The following COX7A2L variants were observed in gnomAD, a reference collection of about 807,000 sequenced individuals.
The protein encoded by COX7A2L is cytochrome c oxidase subunit 7A2 like, also known as cytochrome c oxidase subunit 7A2-like, mitochondrial.
In COX7A2L, 18 loss-of-function variants were observed where a neutral mutation model predicts 14.2. The observed-to-expected ratio is 1.27, with a 90% CI of 0.88 to 1.88. The LOEUF (loss-of-function observed/expected upper bound fraction) is 1.88, where lower values mean the gene tolerates loss of function less well. Ranked by LOEUF, COX7A2L falls within the 40% of genes most tolerant of loss-of-function variation. The pLI is 0.00. For missense variants in COX7A2L, 179 were observed against 138.8 expected, an observed-to-expected ratio of 1.29 and a Z score of -1.46; for synonymous variants, 65 against 57.4, an observed-to-expected ratio of 1.13 and a Z score of -0.60.
chr2:42,361,237 G>C (rs1339049143), upstream of COX7A2L: 1 of 1,419,386 alleles, frequency 7.0e-7, no homozygotes, highest in Non-Finnish European at 9.6e-7. Context: ...CCCCGGCTGT[G>C]GTCCCGAGAC....
intron 1 of COX7A2L, among the ~76,000 whole-genome samples, chr2:42,358,350 T>C (rs940916630): frequency 6.6e-6 from 1 of 152,252 alleles, no homozygotes; most frequent in African/African-American, 2.4e-5. Flanking sequence ...CACCAACTGC[T>C]TGCTGTCAAG....
At chr2:42,347,750 C>T (rs1369179007), downstream of COX7A2L, among the ~76,000 whole-genome samples, 10 of 152,074 alleles carry the variant, frequency 6.6e-5, no homozygotes, top group East Asian at 1.9e-4. Flanking sequence ...GGAGAAACCC[C>T]GTCTCTACTA....
Position 42,351,350 on chromosome 2 carries a change from C to T in COX7A2L, c.214G>A (p.Gly72Ser). 1 of 1,613,570 alleles carries T rather than the reference C, an allele frequency of 6.2e-7. No individual in the cohort carries two copies. The highest frequency in any genetic ancestry group is 8.5e-7 in the Non-Finnish European group (1 of 1,179,854). Residue 72 changes from glycine (G) to serine (S), a missense_variant, in exon 3 of 3, where the codon GGT becomes AGT. By Grantham distance (56) the Gly-to-Ser change is moderately conservative. Transcript: ENST00000234301. Reference protein sequence around the residue: ...ELQKFFQKADGVPVYLKRGLP... With the variant: ...ELQKFFQKADSVPVYLKRGLP... ...CCTCGTTTCAGGTAGACGGGCACAC[C>T]ATCAGCTTTCTTGAAAGCAAGAATT...
At chr2:42,361,890 G>A (rs910668371), upstream of COX7A2L, 2 of 152,250 alleles carry the variant, frequency 1.3e-5, no homozygotes, top group African/African-American at 4.8e-5. Flanking sequence ...AGCACCTGCT[G>A]AAGGCTGTTT....
chr2:42,351,281 C>T lies in COX7A2L; in HGVS notation c.283G>A (p.Val95Met), dbSNP rs1168316625. 3 of 1,614,068 alleles carry T rather than the reference C, an allele frequency of 1.9e-6. No individual in the cohort carries two copies. Among genetic ancestry groups the T allele is most frequent in the Admixed American group, 3.3e-5 (2 of 60,010 alleles). ...ATCAGGCAGTAGATGGTCCCTCCCA[C>T]AGTCAGCGCCATGGTGGTCCGGTAA... ...MLYRTTMALT[V>M]GGTIYCLIAL... is the part of the protein sequence containing the mutation. The change falls in exon 3 of 3, where the codon GTG (valine) becomes ATG (methionine). Residue 95 changes from valine to methionine, a missense_variant. Coordinates refer to ENST00000234301, the MANE Select transcript of COX7A2L (RefSeq NM_004718.4).
chr2:42,353,967 C>A (rs537209324), intron 1 of COX7A2L, among the ~76,000 whole-genome samples: 7 of 152,118 alleles, frequency 4.6e-5, no homozygotes, highest in Admixed American at 2.6e-4. Context: ...TAAAACATTA[C>A]GCTGAGTCAA....
upstream of COX7A2L, among the ~76,000 whole-genome samples, chr2:42,366,146 C>A (rs1018770374): frequency 6.6e-6 from 1 of 152,026 alleles, no homozygotes; most frequent in Non-Finnish European, 1.5e-5. Flanking sequence ...AAACAAGGGG[C>A]GGGCTGGGTG....
At chr2:42,357,064 T>G (rs999081173) in intron 1 of COX7A2L, among the ~76,000 whole-genome samples, 6 of 152,230 alleles carry the variant, frequency 3.9e-5, no homozygotes, top group Admixed American at 6.5e-5. Context: ...GTTTAGTAAT[T>G]AAGTTCTTCC....
rs1361007917 is a variant in COX7A2L at position 42,338,187 on chromosome 2, G to A, written c.193-4318C>T. On this transcript the variant is annotated intron_variant, in intron 2 of 2. Transcript: ENST00000468711. This position sits in a 1 kb window ranked among gnomAD's most constrained non-coding sequence, Gnocchi z 4.4. ...CATGCAAGGCAGAGACAGCCGTTCC[G>A]TGTTTCTCCCCCAGCCGCAGCGGCC... Among the ~76,000 whole-genome samples, 1 of 152,150 alleles carries A rather than the reference G, an allele frequency of 6.6e-6. No homozygotes were observed. Among genetic ancestry groups the A allele is most frequent in the Non-Finnish European group, 1.5e-5 (1 of 68,018 alleles).
chr2:42,353,120 G>A lies in COX7A2L; in HGVS notation c.204+92C>T. On this transcript the variant is annotated intron_variant, in intron 2 of 2. Transcript: ENST00000234301. Reference sequence around the variant, plus strand: ...TACTTAAAGAAAAAGAAGGAGGGTGGGTAGTAAACTAGATTAAGATTTAGT... The same window carrying A: ...TACTTAAAGAAAAAGAAGGAGGGTGAGTAGTAAACTAGATTAAGATTTAGT... 3.5e-6 allele frequency: 5 copies of A among 1,434,554 alleles called. No homozygotes were observed. In the South Asian group the frequency reaches 5.1e-5, roughly 15 times the overall value. 88.9% of individuals were successfully genotyped at this position (1,434,554 alleles called of 1,614,324 possible).
downstream of COX7A2L, among the ~76,000 whole-genome samples, chr2:42,348,021 T>C (rs976444785): frequency 4.6e-5 from 7 of 152,230 alleles, no homozygotes; most frequent in African/African-American, 1.7e-4. Flanking sequence ...GGAAGCCATC[T>C]TGTCTGTCAC....
chr2:42,345,914 C>T (rs79044340), downstream of COX7A2L, among the ~76,000 whole-genome samples: 4 of 152,182 alleles, frequency 2.6e-5, no homozygotes, highest in African/African-American at 4.8e-5. Context: ...TGAGAAGAGA[C>T]GAGCCGGTGA....
At chr2:42,358,998 TCTA>T (rs1314016059) in intron 1 of COX7A2L, 2 of 152,002 alleles carry the variant, frequency 1.3e-5, no homozygotes, top group Admixed American at 6.6e-5. Context: ...TAAAAGAACA[TCTA>T]CTACCACCAA....
chr2:42,363,673 G>A (rs1455074013), upstream of COX7A2L, among the ~76,000 whole-genome samples: 1 of 152,204 alleles, frequency 6.6e-6, no homozygotes, highest in South Asian at 2.1e-4. Flanking sequence ...ATAAAACACA[G>A]CACACTCTGA....
chr2:42,353,305 G>C lies in COX7A2L; in HGVS notation c.111C>G (p.Ile37Met), dbSNP rs745433224. Residue 37 changes from isoleucine (I) to methionine (M), a missense_variant, in exon 2 of 3, where the codon ATC (isoleucine) becomes ATG (methionine). By Grantham distance (10) the Ile-to-Met change is conservative. Coordinates refer to ENST00000234301, the MANE Select transcript of COX7A2L (RefSeq NM_004718.4). The stretch of plus-strand genomic sequence containing the variant: ...TCAGTTTAGTTGGTGTGGCAAATAT[G>C]ATAGGTGGTGCTTCTGTGGAAACCA... ...KPVVSTEAPP[I>M]IFATPTKLTS... 2 of 1,614,084 alleles carry C rather than the reference G, an allele frequency of 1.2e-6. No individual in the cohort carries two copies. Among genetic ancestry groups the C allele is most frequent in the Non-Finnish European group, 1.7e-6 (2 of 1,179,978 alleles).
At position 42,338,238 on chromosome 2, in the gene COX7A2L, C is replaced by T. The variant is rs1469156146; in HGVS notation, c.193-4369G>A. 6.6e-6 allele frequency among the ~76,000 whole-genome samples: 1 copy of T among 152,214 alleles called. No individual in the cohort carries two copies. The highest frequency in any genetic ancestry group is 1.5e-5 in the Non-Finnish European group (1 of 68,036). On this transcript the variant is annotated intron_variant, in intron 2 of 2. Coordinates refer to the COX7A2L transcript ENST00000468711. The surrounding 1 kb of genome is among the most constrained non-coding windows in gnomAD (Gnocchi z 4.4). ...AGGGAGCCGCTCCTCGTCTTGCTTC[C>T]GGTTGATGTGTCGTTGGTACTCCTC...
upstream of COX7A2L, among the ~76,000 whole-genome samples, chr2:42,362,521 A>G (rs1190203886): frequency 6.6e-6 from 1 of 152,228 alleles, no homozygotes; most frequent in Non-Finnish European, 1.5e-5. Flanking sequence ...TAACTTGCTC[A>G]GGTCAGGGAT....
intron 2 of COX7A2L, among the ~76,000 whole-genome samples, chr2:42,340,901 A>G (rs1376011799): frequency 1.3e-5 from 2 of 152,170 alleles, no homozygotes; most frequent in Non-Finnish European, 2.9e-5. Context: ...TTCAAGAGCT[A>G]CTGATGGCAA....
chr2:42,351,683 G>C (rs527926728), intron 2 of COX7A2L, among the ~76,000 whole-genome samples: 2 of 152,324 alleles, frequency 1.3e-5, no homozygotes, highest in African/African-American at 4.8e-5. Context: ...AAGAAGTGCA[G>C]GCAGGAGAGG....
Sources: gnomAD v4.1 joint callset for allele counts (sites outside exome capture counted in the v4.1 genomes callset) on GRCh38, gnomAD v4.1.1 for gene constraint, Gnocchi (gnomAD v3.1) non-coding constraint, MANE v1.5 for transcripts, NCBI Gene and HGNC (gene_info 2026-07-23, HGNC 2026-07-21) for gene names.